DPYD: variants seen among roughly 807,000 people sequenced by gnomAD.
DPYD encodes the protein dihydropyrimidine dehydrogenase [NADP(+)].
Under a neutral mutation model 116.2 loss-of-function variants are expected in DPYD, and 109 were observed. The ratio of observed to expected loss-of-function variants is 0.94; its 90% confidence interval spans 0.80 to 1.10. The LOEUF is 1.10. DPYD is among the 50% of genes least tolerant of loss of function. DPYD has a pLI of 0.00. For synonymous variants in DPYD, 440 were observed against 432.0 expected (o/e 1.02, Z -0.23); for missense variants, 1,302 against 1,254.5 (o/e 1.04, Z -0.57).
chr1:97,137,891 T>G (rs1473395298), intron 20 of DPYD, among the ~76,000 whole-genome samples: 1 of 152,122 alleles, frequency 6.6e-6, no homozygotes, highest in African/African-American at 2.4e-5. Flanking sequence ...ATTCACTGTT[T>G]ATAAGCAGAG....
intron 3 of DPYD, among the ~76,000 whole-genome samples, chr1:97,759,902 A>G (rs1665477688): frequency 6.6e-6 from 1 of 152,198 alleles, no homozygotes; most frequent in African/African-American, 2.4e-5. Context: ...ATACTTAAAT[A>G]TCCATTTATG....
intron 8 of DPYD, among the ~76,000 whole-genome samples, chr1:97,599,056 G>T (rs2786496): frequency 6.6e-6 from 1 of 152,206 alleles, no homozygotes; most frequent in Non-Finnish European, 1.5e-5. Flanking sequence ...GCAGATATGC[G>T]TACCTCACAG....
chr1:97,428,462 T>C (rs750180263), intron 14 of DPYD, among the ~76,000 whole-genome samples: 2 of 152,070 alleles, frequency 1.3e-5, no homozygotes, highest in Non-Finnish European at 2.9e-5. Context: ...ATGAATACAA[T>C]GAATCAGATA....
chr1:97,344,753 T>C (rs976815467), intron 16 of DPYD, among the ~76,000 whole-genome samples: 3 of 151,904 alleles, frequency 2.0e-5, no homozygotes, highest in African/African-American at 7.2e-5. Flanking sequence ...AGGATGGACA[T>C]TTGTCTCCAG....
chr1:97,346,565 A>G (rs1259121359), intron 16 of DPYD, among the ~76,000 whole-genome samples: 1 of 151,866 alleles, frequency 6.6e-6, no homozygotes, highest in African/African-American at 2.4e-5. Flanking sequence ...CTTATAGATT[A>G]TAAGGTCCAT....
At chr1:97,279,037 T>G (rs1025329492) in intron 18 of DPYD, among the ~76,000 whole-genome samples, 1 of 152,104 alleles carries the variant, frequency 6.6e-6, no homozygotes, top group Non-Finnish European at 1.5e-5. Flanking sequence ...TAGATTCAGG[T>G]GACGGACATG....
intron 7 of DPYD, among the ~76,000 whole-genome samples, chr1:97,688,676 AC>A (rs1366990073): frequency 6.6e-6 from 1 of 152,062 alleles, no homozygotes; most frequent in Non-Finnish European, 1.5e-5. Context: ...ATAAAGCAAA[AC>A]AAAACAAAAA....
intron 5 of DPYD, among the ~76,000 whole-genome samples, chr1:97,716,290 A>T (rs80058518): frequency 0.011 from 1,700 of 152,144 alleles, 31 homozygotes; most frequent in African/African-American, 0.038. Flanking sequence ...ATATCCCATC[A>T]TCATGTTATT....
chr1:97,222,771 A>C (rs912621211), intron 19 of DPYD, among the ~76,000 whole-genome samples: 3 of 152,080 alleles, frequency 2.0e-5, no homozygotes, highest in Admixed American at 2.0e-4. Context: ...ACATTCATTA[A>C]AGCCAGGACA....
chr1:97,325,351 A>T (rs1044595197), intron 16 of DPYD, among the ~76,000 whole-genome samples: 3 of 152,030 alleles, frequency 2.0e-5, no homozygotes, highest in African/African-American at 4.8e-5. Flanking sequence ...AATTGCTACT[A>T]TTCCTAGAAC....
intron 8 of DPYD, among the ~76,000 whole-genome samples, chr1:97,678,668 T>A (rs1382717922): frequency 1.3e-5 from 2 of 152,082 alleles, no homozygotes; most frequent in Non-Finnish European, 2.9e-5. Context: ...TTCAACCAAA[T>A]AAGAAAAGTC....
rs558911981 is a variant in DPYD at position 97,671,765 on chromosome 1, T to C, written c.850+7330A>G. ...TCTCATAAATGTTTAATATACTGTG[T>C]TTGTGTGGGTGACAGGGGAGGGATA... is the stretch of plus-strand genomic sequence containing the variant. On this transcript the variant is annotated intron_variant, in intron 8 of 22. Transcript: ENST00000370192. Among the ~76,000 whole-genome samples the C allele has an allele frequency of 2.5e-3, 385 of 152,156 alleles. 1 individual carries two copies. Among genetic ancestry groups the C allele is most frequent in the South Asian group, 4.1e-3 (20 of 4,830 alleles).
At chr1:97,748,114 T>C (rs1664657953) in intron 3 of DPYD, among the ~76,000 whole-genome samples, 1 of 152,102 alleles carries the variant, frequency 6.6e-6, no homozygotes, top group East Asian at 1.9e-4. Flanking sequence ...GACAAACATA[T>C]ACATATGCTT....
chr1:97,675,511 T>C (rs1313711895), intron 8 of DPYD, among the ~76,000 whole-genome samples: 1 of 152,174 alleles, frequency 6.6e-6, no homozygotes, highest in Non-Finnish European at 1.5e-5. Context: ...GTGGTAGTAT[T>C]AGAGAAAACT....
At chr1:97,891,418 C>T (rs558674398) in intron 1 of DPYD, among the ~76,000 whole-genome samples, 17 of 19,084 alleles carry the variant, frequency 8.9e-4, no homozygotes, top group Middle Eastern at 0.045. Context: ...TTATTCCAGA[C>T]GCAGAAAAAA....
intron 13 of DPYD, among the ~76,000 whole-genome samples, chr1:97,467,633 C>T (rs1051276764): frequency 6.6e-6 from 1 of 152,160 alleles, no homozygotes; most frequent in Non-Finnish European, 1.5e-5. Flanking sequence ...ATCAGGTTGT[C>T]AGTGTTTGTC....
intron 2 of DPYD, among the ~76,000 whole-genome samples, chr1:97,851,409 T>C (rs1314057802): frequency 1.3e-5 from 2 of 151,968 alleles, no homozygotes; most frequent in Non-Finnish European, 2.9e-5. Context: ...TTTCACCAAC[T>C]ATATGTATTA....
At chr1:97,524,538 T>C (rs1648913629) in intron 12 of DPYD, among the ~76,000 whole-genome samples, 1 of 152,168 alleles carries the variant, frequency 6.6e-6, no homozygotes, top group Admixed American at 6.5e-5. Context: ...GAACTAGTCA[T>C]GGTCTAAGAT....
At chr1:97,099,233 C>T (rs1306168477) in intron 20 of DPYD, among the ~76,000 whole-genome samples, 1 of 151,896 alleles carries the variant, frequency 6.6e-6, no homozygotes, top group South Asian at 2.1e-4. Flanking sequence ...TTTCTCTGTA[C>T]AGAAAACAAA....
Sources: allele counts gnomAD v4.1 joint callset (sites outside exome capture counted in the v4.1 genomes callset), GRCh38; gene constraint gnomAD v4.1.1; transcripts MANE v1.5; gene names NCBI Gene and HGNC (gene_info 2026-07-23, HGNC 2026-07-21).